PXDNL: variants seen among roughly 807,000 people sequenced by gnomAD.
The protein encoded by PXDNL is peroxidasin like.
PXDNL carries 145 observed loss-of-function variants against 150.8 expected under a neutral mutation model. That is an observed-to-expected ratio of 0.96 (90% CI 0.84 to 1.10). The LOEUF is 1.10. PXDNL is among the 50% of genes least tolerant of loss of function. The probability of loss-of-function intolerance (pLI) is 0.00; values close to 1 mark genes in which losing one functional copy is unlikely to be tolerated. For synonymous variants in PXDNL, 757 were observed against 725.7 expected, an observed-to-expected ratio of 1.04 and a Z score of -0.69; for missense variants, 2,087 against 1,873.9, an observed-to-expected ratio of 1.11 and a Z score of -2.10.
intron 2 of PXDNL, among the ~76,000 whole-genome samples, chr8:51,646,126 C>T (rs952850231): frequency 6.6e-6 from 1 of 152,088 alleles, no homozygotes; most frequent in Admixed American, 6.6e-5. Flanking sequence ...AGGTAGGGCC[C>T]CTCAAGAAGG....
At chr8:51,482,125 C>G (rs1420219430) in intron 6 of PXDNL, among the ~76,000 whole-genome samples, 5 of 152,190 alleles carry the variant, frequency 3.3e-5, no homozygotes, top group Non-Finnish European at 7.3e-5. Context: ...AGGAGGGAAG[C>G]TGTGCCCTGC....
At chr8:51,710,178 A>AT (rs1816465912) in intron 1 of PXDNL, among the ~76,000 whole-genome samples, 1 of 152,182 alleles carries the variant, frequency 6.6e-6, no homozygotes, top group Non-Finnish European at 1.5e-5. Context: ...TCCACCAAAA[A>AT]TTGATTCTGG....
At chr8:51,754,998 C>A (rs1422778285) in intron 1 of PXDNL, among the ~76,000 whole-genome samples, 5 of 152,166 alleles carry the variant, frequency 3.3e-5, no homozygotes, top group African/African-American at 1.2e-4. Flanking sequence ...AGGTGTGAGC[C>A]TAGGCACCCT....
intron 2 of PXDNL, among the ~76,000 whole-genome samples, chr8:51,595,353 T>C (rs991457990): frequency 6.6e-6 from 1 of 152,062 alleles, no homozygotes; most frequent in Non-Finnish European, 1.5e-5. Flanking sequence ...TGCATAGTCA[T>C]CAATTCATCA....
intron 5 of PXDNL, among the ~76,000 whole-genome samples, chr8:51,487,944 C>G (rs1810804646): frequency 6.6e-6 from 1 of 152,178 alleles, no homozygotes; most frequent in African/African-American, 2.4e-5. Flanking sequence ...ACGCACATTA[C>G]TCGACTATGT....
chr8:51,469,533 T>G (rs947306454), intron 8 of PXDNL, among the ~76,000 whole-genome samples: 2 of 152,046 alleles, frequency 1.3e-5, no homozygotes, highest in African/African-American at 4.8e-5. Context: ...CATACCTACT[T>G]TCTAATCCTC....
intron 12 of PXDNL, among the ~76,000 whole-genome samples, chr8:51,438,503 C>T (rs529345331): frequency 6.6e-6 from 1 of 152,090 alleles, no homozygotes; most frequent in Non-Finnish European, 1.5e-5. Context: ...ATCATGAGGT[C>T]AGGAGATCGA....
At chr8:51,653,847 C>A (rs1197514155) in intron 2 of PXDNL, among the ~76,000 whole-genome samples, 3 of 152,194 alleles carry the variant, frequency 2.0e-5, no homozygotes, top group Non-Finnish European at 4.4e-5. Context: ...TGGGTCTAGC[C>A]TCACTGAAGA....
intron 2 of PXDNL, among the ~76,000 whole-genome samples, chr8:51,647,643 G>A (rs1814947508): frequency 6.6e-6 from 1 of 152,172 alleles, no homozygotes; most frequent in Admixed American, 6.5e-5. Flanking sequence ...CATGAACTTT[G>A]TAGCCAGAGC....
At chr8:51,522,569 G>A (rs1056483222) in intron 4 of PXDNL, among the ~76,000 whole-genome samples, 3 of 152,112 alleles carry the variant, frequency 2.0e-5, no homozygotes, top group Admixed American at 2.0e-4. Flanking sequence ...GTAAGGCCGG[G>A]GCGGTGGCTC....
chr8:51,703,636 G>A (rs76055031), intron 1 of PXDNL, among the ~76,000 whole-genome samples: 5,307 of 152,122 alleles, frequency 0.035, 295 homozygotes, highest in African/African-American at 0.12. Context: ...ACCCAGCCTC[G>A]CTGAGCCACC....
chr8:51,338,195 A>AG (rs1229744394), intron 21 of PXDNL, among the ~76,000 whole-genome samples: 2 of 140,672 alleles, frequency 1.4e-5, no homozygotes, highest in East Asian at 4.0e-4. Flanking sequence ...AAAAAAAAAA[A>AG]AAAAAAAGGG....
rs1334412909 is a variant in PXDNL, at chr8:51,408,440, G to T, written c.3184C>A (p.Pro1062Thr). Residue 1062 changes from proline to threonine, a missense_variant, in exon 17 of 23, where the codon CCT (proline) becomes ACT (threonine). By Grantham distance (38) the Pro-to-Thr change is conservative (BLOSUM62 -1). Coordinates refer to ENST00000356297, the MANE Select transcript of PXDNL (RefSeq NM_144651.5). ...GTGGCATTCAGTCGGTAAAGAATAG[G>T]ATTGATTAATGTGTGGCCAAATCTA... Reference protein sequence around the residue: ...AFRFGHTLINPILYRLNATLG... With the variant: ...AFRFGHTLINTILYRLNATLG... The T allele has an allele frequency of 3.1e-6, 5 of 1,613,910 alleles. No homozygotes were observed. Among genetic ancestry groups the T allele is most frequent in the Non-Finnish European group, 4.2e-6 (5 of 1,179,908 alleles).
At chr8:51,431,690 T>A (rs1485956991) in intron 12 of PXDNL, among the ~76,000 whole-genome samples, 1 of 152,148 alleles carries the variant, frequency 6.6e-6, no homozygotes, top group African/African-American at 2.4e-5. Flanking sequence ...CAATTCTTGG[T>A]CCTCTCACCT....
At chr8:51,742,808 A>G (rs1563306513) in intron 1 of PXDNL, among the ~76,000 whole-genome samples, 1 of 152,126 alleles carries the variant, frequency 6.6e-6, no homozygotes, top group Non-Finnish European at 1.5e-5. Context: ...TGAAAATAGA[A>G]AGAGAATGTT....
At chr8:51,803,822 C>T (rs2037647256) in intron 1 of PXDNL, among the ~76,000 whole-genome samples, 1 of 152,168 alleles carries the variant, frequency 6.6e-6, no homozygotes, top group African/African-American at 2.4e-5. Context: ...TCTGTTCAAC[C>T]TAATTAATGT....
At chr8:51,499,558 A>C in intron 5 of PXDNL, 141 bp downstream of exon 5, 1 of 595,536 alleles carries the variant, frequency 1.7e-6, no homozygotes, top group Non-Finnish European at 3.0e-6. Flanking sequence ...CTTTATATTA[A>C]CTCTGTTTTG....
chr8:51,488,713 A>T (rs1256690336), intron 5 of PXDNL, among the ~76,000 whole-genome samples: 4 of 152,248 alleles, frequency 2.6e-5, no homozygotes, highest in Non-Finnish European at 5.9e-5. Flanking sequence ...AAAGGAGAGC[A>T]GGTGAAACTC....
intron 12 of PXDNL, among the ~76,000 whole-genome samples, chr8:51,439,454 G>C (rs1215666368): frequency 6.6e-6 from 1 of 152,112 alleles, no homozygotes; most frequent in Non-Finnish European, 1.5e-5. Flanking sequence ...TAGTGGAAAG[G>C]GAACACTTTT....
Sources: gnomAD v4.1 joint callset for allele counts (sites outside exome capture counted in the v4.1 genomes callset) on GRCh38, gnomAD v4.1.1 for gene constraint, MANE v1.5 for transcripts, NCBI Gene and HGNC (gene_info 2026-07-23, HGNC 2026-07-21) for gene names.